Variants in C4orf36 observed in about 807,000 individuals in gnomAD.
C4orf36 encodes the protein uncharacterized protein C4orf36.
In C4orf36, 11 loss-of-function variants were observed where a neutral mutation model predicts 12.2. The observed-to-expected ratio is 0.90, with a 90% confidence interval of 0.57 to 1.49. The LOEUF (loss-of-function observed/expected upper bound fraction) is 1.49, where lower values mean the gene tolerates loss of function less well. Among genes scored for constraint, C4orf36 ranks in the 40% most tolerant of loss-of-function variants. C4orf36 has a pLI of 0.00. For missense variants in C4orf36, 137 were observed against 133.9 expected, an observed-to-expected ratio of 1.02 and a Z score of -0.11; for synonymous variants, 54 against 51.3, an observed-to-expected ratio of 1.05 and a Z score of -0.22.
chr4:86,921,809 G>C, the C4orf36 span, among the ~76,000 whole-genome samples: 1 of 152,078 alleles, frequency 6.6e-6, no homozygotes, highest in Admixed American at 6.6e-5. Flanking sequence ...CTGAAATCCT[G>C]TACCCATTAA....
At chr4:86,902,972 G>C in the C4orf36 span, among the ~76,000 whole-genome samples, 1 of 152,206 alleles carries the variant, frequency 6.6e-6, no homozygotes, top group Non-Finnish European at 1.5e-5. Context: ...CCTTTGAAGG[G>C]AGAGAGGGGG....
the C4orf36 span, among the ~76,000 whole-genome samples, chr4:86,910,221 C>T: frequency 3.9e-5 from 6 of 152,146 alleles, no homozygotes; most frequent in African/African-American, 1.4e-4. Context: ...GCGGGCAGAT[C>T]ACTTGAGACC....
At position 86,888,280 on chromosome 4, in the gene C4orf36, G is replaced by A. The variant is rs555009791; in HGVS notation, c.66-5C>T. ...GCAATATCCCAAGGTTCCTGTCTGGGGCAAAAATTCATTAATCCATTCAAT... is the reference window on the plus strand; with the variant it reads ...GCAATATCCCAAGGTTCCTGTCTGGAGCAAAAATTCATTAATCCATTCAAT... On this transcript the variant is annotated splice_region_variant and splice_polypyrimidine_tract_variant and intron_variant, in intron 2 of 4. Transcript: ENST00000295898. 2 of 1,611,242 alleles carry A rather than the reference G, an allele frequency of 1.2e-6. No homozygotes were observed. Among genetic ancestry groups the A allele is most frequent in the Admixed American group, 3.4e-5 (2 of 59,552 alleles).
the C4orf36 span, chr4:86,913,711 C>T: frequency 1.2e-5 from 20 of 1,601,198 alleles, no homozygotes; most frequent in East Asian, 4.0e-4. Context: ...CTCCCACTGG[C>T]AGAGAAGCTG....
chr4:86,886,899 G>C (rs1486540736), intron 4 of C4orf36: 1 of 152,214 alleles, frequency 6.6e-6, no homozygotes, highest in Non-Finnish European at 1.5e-5. Flanking sequence ...TTAAGAAAAT[G>C]TGGCACAAAT....
rs112335123 is a variant in C4orf36 at position 86,889,663 on chromosome 4, G to GGAGGCA, written c.66-1394_66-1389dup. Among the ~76,000 whole-genome samples the GGAGGCA allele has an allele frequency of 5.8e-3, 881 of 152,210 alleles. 6 individuals are homozygous for GGAGGCA. The highest frequency in any genetic ancestry group is 0.019 in the African/African-American group (793 of 41,540). On this transcript the variant is annotated intron_variant, in intron 2 of 4. Transcript: ENST00000295898. ...TCATGCCTATAATCACAGCACTTTG[G>GGAGGCA]GAGGCAGAGGCAGAGGCAGAGGCAG... is the stretch of plus-strand genomic sequence containing the variant.
the C4orf36 span, among the ~76,000 whole-genome samples, chr4:86,923,331 T>A: frequency 6.6e-6 from 1 of 152,258 alleles, no homozygotes; most frequent in South Asian, 2.1e-4. Context: ...GCTCAAGTGA[T>A]CCTCCTACCT....
chr4:86,881,022 G>C (rs1747040400), intron 4 of C4orf36, among the ~76,000 whole-genome samples: 1 of 132,402 alleles, frequency 7.6e-6, no homozygotes, highest in Admixed American at 8.2e-5. Context: ...AACAGAGTGA[G>C]ATTCCGCCTC....
chr4:86,896,885 G>A (rs1747602584), upstream of C4orf36, among the ~76,000 whole-genome samples: 1 of 152,036 alleles, frequency 6.6e-6, no homozygotes, highest in Non-Finnish European at 1.5e-5. Flanking sequence ...TCTGGGAATG[G>A]CCCATGAGTC....
At chr4:86,920,836 A>C in the C4orf36 span, among the ~76,000 whole-genome samples, 1 of 152,170 alleles carries the variant, frequency 6.6e-6, no homozygotes, top group Non-Finnish European at 1.5e-5. Context: ...TTGGGGATTA[A>C]GTTTCCAATA....
chr4:86,930,665 G>T, the C4orf36 span, among the ~76,000 whole-genome samples: 4 of 152,164 alleles, frequency 2.6e-5, no homozygotes, highest in Admixed American at 1.3e-4. Context: ...CTTTAAATGT[G>T]AAATCAGTTG....
At chr4:86,884,347 T>G (rs947301650) in intron 4 of C4orf36, among the ~76,000 whole-genome samples, 4 of 148,226 alleles carry the variant, frequency 2.7e-5, no homozygotes, top group African/African-American at 9.9e-5. Flanking sequence ...CTCTGCTGCC[T>G]TGGCTGGAGT....
At position 86,888,247 on chromosome 4, in the gene C4orf36, C is replaced by A. The variant is rs752414168; in HGVS notation, c.94G>T (p.Ala32Ser). ...VQEPWDIALL[A>S]KTWSTNLANI... ...GCTAGGTTTGTGGACCAGGTCTTTG[C>A]AAGCAATGCAATATCCCAAGGTTCC... The change falls in exon 3 of 5, where the codon GCA (alanine) becomes TCA (serine). Residue 32 changes from alanine (A) to serine (S), a missense_variant. By Grantham distance (99) the Ala-to-Ser change is moderately conservative. Coordinates refer to ENST00000295898, the MANE Select transcript of C4orf36 (RefSeq NM_144645.4). 3.1e-5 allele frequency: 50 copies of A among 1,613,886 alleles called. 2 individuals are homozygous for A. The South Asian group carries it at 5.5e-4, about 18-fold the overall frequency.
chr4:86,914,058 A>C, the C4orf36 span: 1 of 1,610,836 alleles, frequency 6.2e-7, no homozygotes. Context: ...CAAGCTGAGG[A>C]CTGTGGAGCG....
intron 4 of C4orf36, 37 bp from the exon 5 acceptor site, chr4:86,876,480 T>C: frequency 6.2e-7 from 1 of 1,613,652 alleles, no homozygotes; most frequent in Non-Finnish European, 8.5e-7. Flanking sequence ...GATTTTATTT[T>C]ATCATCCAAA....
chr4:86,914,391 CTTTTTTTTTTTTTTT>C, the C4orf36 span: 13 of 327,272 alleles, frequency 4.0e-5, no homozygotes, highest in East Asian at 7.9e-5. Context: ...CTTCTTCTTC[CTTTTTTTTTTTTTTT>C]TTTTTTTTTT....
the C4orf36 span, among the ~76,000 whole-genome samples, chr4:86,912,657 C>T: frequency 1.3e-5 from 2 of 152,160 alleles, no homozygotes; most frequent in Admixed American, 1.3e-4. Flanking sequence ...GATGTCAATA[C>T]TCCCAGGTCC....
At chr4:86,896,295 G>A (rs575224072), upstream of C4orf36, among the ~76,000 whole-genome samples, 4 of 152,180 alleles carry the variant, frequency 2.6e-5, no homozygotes, top group South Asian at 4.2e-4. Flanking sequence ...AAACAGTTAC[G>A]CAACTACCCT....
At chr4:86,905,373 C>T in the C4orf36 span, among the ~76,000 whole-genome samples, 1 of 149,802 alleles carries the variant, frequency 6.7e-6, no homozygotes, top group African/African-American at 2.4e-5. Flanking sequence ...ACAGAGACTC[C>T]ATCTCGAAAT....
Sources: gnomAD v4.1 joint callset for allele counts (sites outside exome capture counted in the v4.1 genomes callset) on GRCh38, gnomAD v4.1.1 for gene constraint, MANE v1.5 for transcripts, NCBI Gene and HGNC (gene_info 2026-07-23, HGNC 2026-07-21) for gene names.